Variants in PPFIA2 observed in about 807,000 individuals in gnomAD.
PPFIA2 encodes the protein PPFI scaffold protein A2, also known as liprin-alpha-2.
Under a neutral mutation model 175.5 loss-of-function variants are expected in PPFIA2, and 46 were observed. The observed-to-expected ratio is 0.26, with a 90% CI of 0.21 to 0.34. PPFIA2 has a LOEUF of 0.34. Among genes scored for constraint, PPFIA2 ranks in the 10% least tolerant of loss-of-function variants. The probability of loss-of-function intolerance (pLI) is 1.00; values close to 1 mark genes in which losing one functional copy is unlikely to be tolerated. For synonymous variants in PPFIA2, 568 were observed against 511.4 expected (o/e 1.11, Z -1.49); for missense variants, 1,179 against 1,506.1 (o/e 0.78, Z 3.60).
intron 3 of PPFIA2, among the ~76,000 whole-genome samples, chr12:81,680,257 T>A (rs920192475): frequency 5.3e-5 from 8 of 152,058 alleles, no homozygotes; most frequent in African/African-American, 1.9e-4. Context: ...AAATAGCTAC[T>A]ACTCAGTGAA....
At chr12:81,510,304 A>G (rs2061632939) in intron 4 of PPFIA2, among the ~76,000 whole-genome samples, 1 of 152,112 alleles carries the variant, frequency 6.6e-6, no homozygotes, top group Non-Finnish European at 1.5e-5. Context: ...ATTTCTCATG[A>G]GCTCCTGTAA....
At position 81,472,009 on chromosome 12, in the gene PPFIA2, A is replaced by T. The variant is rs541140954; in HGVS notation, c.304-14143T>A. Reference sequence around the variant, plus strand: ...TTTTTTAAACAAATACACACAAGGAAATATTATTCAACAATAAAAAGAAAT... The same window carrying T: ...TTTTTTAAACAAATACACACAAGGATATATTATTCAACAATAAAAAGAAAT... On this transcript the variant is annotated intron_variant, in intron 4 of 32. Coordinates refer to ENST00000549396, the MANE Select transcript of PPFIA2 (RefSeq NM_003625.5). Among the ~76,000 whole-genome samples, 10 of 152,326 alleles carry T rather than the reference A, an allele frequency of 6.6e-5. 1 individual carries two copies. The South Asian group carries it at 2.1e-3, about 32-fold the overall frequency.
At chr12:81,321,424 G>T (rs1009021623) in intron 22 of PPFIA2, among the ~76,000 whole-genome samples, 1 of 152,184 alleles carries the variant, frequency 6.6e-6, no homozygotes, top group Non-Finnish European at 1.5e-5. Flanking sequence ...CAAGAATGTT[G>T]ATGACATTAA....
intron 8 of PPFIA2, among the ~76,000 whole-genome samples, chr12:81,399,803 G>A (rs868164615): frequency 6.6e-6 from 1 of 152,026 alleles, no homozygotes; most frequent in East Asian, 1.9e-4. Context: ...TGTTTTGTAA[G>A]GAATTAGAAT....
chr12:81,468,907 T>C (rs148309818), intron 4 of PPFIA2, among the ~76,000 whole-genome samples: 8 of 150,300 alleles, frequency 5.3e-5, no homozygotes, highest in African/African-American at 1.5e-4. Context: ...GGGTGGGGGG[T>C]GAAAGCATTA....
intron 3 of PPFIA2, among the ~76,000 whole-genome samples, chr12:81,729,023 T>C (rs2080471478): frequency 6.6e-6 from 1 of 151,582 alleles, no homozygotes; most frequent in Non-Finnish European, 1.5e-5. Flanking sequence ...TACATATATG[T>C]AAACATCAAG....
At position 81,334,706 on chromosome 12, in the gene PPFIA2, T is replaced by C. The variant is rs774357361; in HGVS notation, c.2548+4474A>G. Among the ~76,000 whole-genome samples the C allele has an allele frequency of 6.2e-4, 95 of 152,350 alleles. No individual in the cohort carries two copies. In the Middle Eastern group the frequency reaches 0.02, roughly 33 times the overall value. ...ATACATTACTAAACAAAAGTAACAA[T>C]ATAGATTCTATAATTCTCACTTTGG... is the stretch of plus-strand genomic sequence containing the variant. On this transcript the variant is annotated intron_variant, in intron 21 of 32. Transcript: ENST00000549396.
intron 8 of PPFIA2, among the ~76,000 whole-genome samples, chr12:81,386,793 G>C (rs1031393721): frequency 2.0e-5 from 3 of 152,064 alleles, no homozygotes; most frequent in African/African-American, 4.8e-5. Context: ...AGAAAGTACA[G>C]TCATTTCCGC....
intron 4 of PPFIA2, among the ~76,000 whole-genome samples, chr12:81,672,359 G>A (rs907605214): frequency 6.6e-6 from 1 of 151,660 alleles, no homozygotes; most frequent in Non-Finnish European, 1.5e-5. Context: ...ATATAATTTG[G>A]TCTAAACAGC....
At chr12:81,676,910 C>T (rs1014054610) in intron 3 of PPFIA2, 66 bp from the exon 4 acceptor site, 31 of 1,179,050 alleles carry the variant, frequency 2.6e-5, no homozygotes, top group Non-Finnish European at 3.1e-5. Context: ...CCCAGTCCCA[C>T]AGTGTAATAA....
chr12:81,424,005 AG>A (rs1485955712), intron 7 of PPFIA2, among the ~76,000 whole-genome samples: 1 of 152,148 alleles, frequency 6.6e-6, no homozygotes, highest in Non-Finnish European at 1.5e-5. Context: ...AGCAATGAAA[AG>A]AATCAAATAC....
chr12:81,367,051 C>A, intron 14 of PPFIA2, 57 bp downstream of exon 14: 1 of 1,399,350 alleles, frequency 7.1e-7, no homozygotes, highest in Non-Finnish European at 9.4e-7. Flanking sequence ...AAACATTCAT[C>A]AGTGGAATAG....
intron 22 of PPFIA2, among the ~76,000 whole-genome samples, chr12:81,321,838 G>T (rs957045507): frequency 1.3e-5 from 2 of 152,056 alleles, no homozygotes; most frequent in South Asian, 2.1e-4. Context: ...CAGGAATTTT[G>T]GGGGGCAGGC....
intron 22 of PPFIA2, among the ~76,000 whole-genome samples, chr12:81,303,312 A>G (rs1426265875): frequency 6.6e-6 from 1 of 152,214 alleles, no homozygotes; most frequent in Non-Finnish European, 1.5e-5. Context: ...ATATTTGACC[A>G]TCTTTTCCCA....
intron 4 of PPFIA2, among the ~76,000 whole-genome samples, chr12:81,585,445 A>T (rs1207529522): frequency 2.0e-5 from 3 of 151,870 alleles, no homozygotes; most frequent in African/African-American, 7.2e-5. Context: ...TAGCTGGACA[A>T]AAATATTTTC....
intron 7 of PPFIA2, among the ~76,000 whole-genome samples, chr12:81,434,938 CTTT>C (rs1014907291): frequency 7.2e-5 from 11 of 151,938 alleles, no homozygotes; most frequent in Non-Finnish European, 1.2e-4. Context: ...ATATCTAAAA[CTTT>C]TTCTATTCCT....
chr12:81,569,498 A>C (rs547965831), intron 4 of PPFIA2, among the ~76,000 whole-genome samples: 150 of 152,362 alleles, frequency 9.8e-4, no homozygotes, highest in Middle Eastern at 3.4e-3. Flanking sequence ...CCTATGGTTC[A>C]GAGAAACAAA....
chr12:81,335,047 GC>G, intron 21 of PPFIA2, among the ~76,000 whole-genome samples: 1 of 152,242 alleles, frequency 6.6e-6, no homozygotes, highest in South Asian at 2.1e-4. Flanking sequence ...CGTTTCAGTA[GC>G]AGTGTGTTTG....
chr12:81,266,447 C>T (rs2037287893), intron 30 of PPFIA2, among the ~76,000 whole-genome samples: 1 of 152,108 alleles, frequency 6.6e-6, no homozygotes, highest in South Asian at 2.1e-4. Context: ...CTTTCAAATT[C>T]TATGACTGTT....
Sources: gnomAD v4.1 joint callset for allele counts (sites outside exome capture counted in the v4.1 genomes callset) on GRCh38, gnomAD v4.1.1 for gene constraint, MANE v1.5 for transcripts, NCBI Gene and HGNC (gene_info 2026-07-23, HGNC 2026-07-21) for gene names.